ADAMTS19: variants seen among roughly 807,000 people sequenced by gnomAD.
ADAMTS19 encodes the protein ADAM metallopeptidase with thrombospondin type 1 motif 19.
A neutral mutation model predicts 153.3 loss-of-function variants in ADAMTS19; 93 were observed. The ratio of observed to expected loss-of-function variants is 0.61; its 90% CI spans 0.51 to 0.72. The LOEUF (loss-of-function observed/expected upper bound fraction) is 0.72. Among genes scored for constraint, ADAMTS19 ranks in the 30% least tolerant of loss-of-function variants. The pLI, the probability that ADAMTS19 is intolerant of heterozygous loss-of-function variation, is 0.00. For synonymous variants in ADAMTS19, 600 were observed against 556.6 expected (o/e 1.08, Z -1.10); for missense variants, 1,482 against 1,552.1 (o/e 0.95, Z 0.76).
intron 14 of ADAMTS19, among the ~76,000 whole-genome samples, chr5:129,658,075 A>G (rs1472672689): frequency 6.6e-6 from 1 of 152,120 alleles, no homozygotes; most frequent in Non-Finnish European, 1.5e-5. Context: ...ACTTGAGCTC[A>G]GGAGTTCGAG....
rs11952406 is a variant in ADAMTS19 at position 129,533,792 on chromosome 5, G to A, written c.1328+5115G>A. 6.3e-3 allele frequency among the ~76,000 whole-genome samples: 956 copies of A among 151,974 alleles called. 2 individuals carry two copies. Among genetic ancestry groups the A allele is most frequent in the Non-Finnish European group, 0.011 (769 of 67,956 alleles). On this transcript the variant is annotated intron_variant, in intron 6 of 22. Transcript: ENST00000274487. ...TGTGTAACAGAGATTCTGGTATGTTGTGTCTTTGTTCTCGTTGGTTGCAAA... is the reference window on the plus strand; with the variant it reads ...TGTGTAACAGAGATTCTGGTATGTTATGTCTTTGTTCTCGTTGGTTGCAAA...
intron 10 of ADAMTS19, among the ~76,000 whole-genome samples, chr5:129,634,221 A>T (rs924085549): frequency 6.6e-6 from 1 of 152,186 alleles, no homozygotes; most frequent in African/African-American, 2.4e-5. Context: ...CTAGGAATAC[A>T]GCCAAGCAGG....
At chr5:129,700,972 T>C (rs752969444) in intron 19 of ADAMTS19, among the ~76,000 whole-genome samples, 2 of 151,928 alleles carry the variant, frequency 1.3e-5, no homozygotes, top group South Asian at 2.1e-4. Flanking sequence ...TATATGGTAG[T>C]GATACGCTTT....
intron 9 of ADAMTS19, 126 bp from the exon 10 acceptor site, chr5:129,622,072 G>A: frequency 1.2e-6 from 1 of 838,294 alleles, no homozygotes; most frequent in Non-Finnish European, 1.9e-6. Flanking sequence ...ATTTCTATGA[G>A]TATTCAATGG....
At chr5:129,472,021 T>C (rs1750084718) in intron 2 of ADAMTS19, among the ~76,000 whole-genome samples, 1 of 152,228 alleles carries the variant, frequency 6.6e-6, no homozygotes, top group Non-Finnish European at 1.5e-5. Context: ...CTCACACACG[T>C]GTGTGTCTTT....
intron 14 of ADAMTS19, among the ~76,000 whole-genome samples, chr5:129,656,540 T>A (rs1414336985): frequency 6.6e-6 from 1 of 152,222 alleles, no homozygotes; most frequent in African/African-American, 2.4e-5. Context: ...GCCTGTATGA[T>A]CATGTTATTT....
chr5:129,611,851 G>A (rs771760180), intron 8 of ADAMTS19, among the ~76,000 whole-genome samples: 103 of 152,104 alleles, frequency 6.8e-4, no homozygotes, highest in Middle Eastern at 6.8e-3. Flanking sequence ...GAGAAAGGTC[G>A]GGTTACCCAC....
intron 15 of ADAMTS19, among the ~76,000 whole-genome samples, chr5:129,659,380 T>C (rs1022660473): frequency 6.6e-5 from 10 of 152,164 alleles, no homozygotes; most frequent in Non-Finnish European, 1.3e-4. Flanking sequence ...AAATATGATA[T>C]TGTCTTTACT....
At position 129,665,493 on chromosome 5, in the gene ADAMTS19, T is replaced by C; in HGVS notation, c.2426-6T>C. ...GATTTATTTCATGTTTTATTGACTC[T>C]TACAGGTTATGTAGAAGTGCTGGTG... On this transcript the variant is annotated splice_region_variant and splice_polypyrimidine_tract_variant and intron_variant, in intron 15 of 22. Transcript: ENST00000274487. 6.3e-7 allele frequency: 1 copy of C among 1,599,482 alleles called. No homozygotes were observed. The highest frequency in any genetic ancestry group is 8.5e-7 in the Non-Finnish European group (1 of 1,170,106).
chr5:129,502,652 C>T (rs1751141539), intron 2 of ADAMTS19, among the ~76,000 whole-genome samples: 1 of 152,206 alleles, frequency 6.6e-6, no homozygotes. Context: ...AGGAAGCCAA[C>T]ATTGGAAATG....
chr5:129,711,002 A>T (rs1206344334), intron 21 of ADAMTS19, among the ~76,000 whole-genome samples: 1 of 152,198 alleles, frequency 6.6e-6, no homozygotes, highest in Non-Finnish European at 1.5e-5. Context: ...GGATTCCAAC[A>T]TGCCTATACT....
intron 7 of ADAMTS19, among the ~76,000 whole-genome samples, chr5:129,577,616 C>G (rs986584493): frequency 6.6e-6 from 1 of 152,022 alleles, no homozygotes; most frequent in African/African-American, 2.4e-5. Context: ...AAAGTGAAAT[C>G]CAGTCAAGAG....
At chr5:129,641,435 A>G (rs1752781332) in intron 10 of ADAMTS19, among the ~76,000 whole-genome samples, 1 of 152,242 alleles carries the variant, frequency 6.6e-6, no homozygotes, top group Non-Finnish European at 1.5e-5. Context: ...GCATTTAAGC[A>G]TAAAAGCAGA....
chr5:129,539,956 C>T (rs539525832), intron 6 of ADAMTS19, among the ~76,000 whole-genome samples: 1 of 152,032 alleles, frequency 6.6e-6, no homozygotes, highest in South Asian at 2.1e-4. Context: ...GACCTAGTAC[C>T]ATTTGGTTAA....
In ADAMTS19 at chr5:129,574,819, A is replaced by G. The variant is rs1476607985; in HGVS notation, c.1373-21740A>G. Among the ~76,000 whole-genome samples the G allele has an allele frequency of 4.0e-5, 6 of 151,320 alleles. No individual in the cohort carries two copies. The South Asian group carries it at 8.3e-4, about 21-fold the overall frequency. On this transcript the variant is annotated intron_variant, in intron 7 of 22. Transcript: ENST00000274487. Reference sequence around the variant, plus strand: ...AAAAAGCATCTATTATTAAGTTCCAATCAGAAATCAGAAATTTTTTTAAGT... The same window carrying G: ...AAAAAGCATCTATTATTAAGTTCCAGTCAGAAATCAGAAATTTTTTTAAGT...
intron 6 of ADAMTS19, among the ~76,000 whole-genome samples, chr5:129,545,290 T>C (rs1020320990): frequency 6.6e-6 from 1 of 152,158 alleles, no homozygotes; most frequent in Non-Finnish European, 1.5e-5. Context: ...AATTTCTAAA[T>C]TGAAGAGCAG....
chr5:129,478,984 T>C (rs1486449142), intron 2 of ADAMTS19, among the ~76,000 whole-genome samples: 1 of 152,168 alleles, frequency 6.6e-6, no homozygotes, highest in Non-Finnish European at 1.5e-5. Context: ...ATATGCCATA[T>C]ACATATTGCC....
At chr5:129,639,415 T>G (rs1752695101) in intron 10 of ADAMTS19, among the ~76,000 whole-genome samples, 1 of 152,208 alleles carries the variant, frequency 6.6e-6, no homozygotes, top group Admixed American at 6.5e-5. Flanking sequence ...GGCTGTAATT[T>G]ATTTACCATA....
chr5:129,654,240 A>G (rs1753442904), intron 13 of ADAMTS19, 66 bp from the exon 14 acceptor site: 1 of 1,439,270 alleles, frequency 6.9e-7, no homozygotes, highest in East Asian at 2.3e-5. Flanking sequence ...CTTAAAAATG[A>G]AGCTTAAGAT....
Sources: allele counts gnomAD v4.1 joint callset (sites outside exome capture counted in the v4.1 genomes callset), GRCh38; gene constraint gnomAD v4.1.1; transcripts MANE v1.5; gene names NCBI Gene and HGNC (gene_info 2026-07-23, HGNC 2026-07-21).